The following SLC14A2 variants were observed in gnomAD, a reference collection of about 807,000 sequenced individuals.
SLC14A2 encodes solute carrier family 14 member 2.
A neutral mutation model predicts 104.6 loss-of-function variants in SLC14A2; 91 were observed. That is an observed-to-expected ratio of 0.87 (90% confidence interval 0.73 to 1.04). SLC14A2 has a LOEUF of 1.04. Among genes scored for constraint, SLC14A2 ranks in the 50% least tolerant of loss-of-function variants. The pLI, the probability that SLC14A2 is intolerant of heterozygous loss-of-function variation, is 0.00. For synonymous variants in SLC14A2, 476 were observed against 466.4 expected (o/e 1.02, Z -0.27); for missense variants, 1,189 against 1,156.0 (o/e 1.03, Z -0.41).
At chr18:45,393,930 A>G (rs1476825271) in intron 1 of SLC14A2, among the ~76,000 whole-genome samples, 2 of 152,200 alleles carry the variant, frequency 1.3e-5, no homozygotes, top group African/African-American at 2.4e-5. Flanking sequence ...CTGAGTCGTC[A>G]TCATTAGTAA....
intron 2 of SLC14A2, among the ~76,000 whole-genome samples, chr18:45,560,020 G>C (rs901515535): frequency 1.3e-5 from 2 of 152,132 alleles, no homozygotes; most frequent in Admixed American, 1.3e-4. Context: ...AATGTCCTCT[G>C]CCTACACGTT....
At chr18:45,464,665 C>T (rs539775701) in intron 1 of SLC14A2, among the ~76,000 whole-genome samples, 8 of 152,284 alleles carry the variant, frequency 5.3e-5, no homozygotes, top group Non-Finnish European at 7.4e-5. Context: ...TCTAGAGGGA[C>T]ATTTGCAAAT....
chr18:45,313,389 CAG>C (rs2085098376), intron 1 of SLC14A2, among the ~76,000 whole-genome samples: 3 of 152,312 alleles, frequency 2.0e-5, no homozygotes, highest in East Asian at 1.9e-4. Flanking sequence ...GTCATTTGCT[CAG>C]AGTCATAGAG....
At chr18:45,186,932 A>T in the SLC14A2 span, among the ~76,000 whole-genome samples, 1 of 152,106 alleles carries the variant, frequency 6.6e-6, no homozygotes, top group African/African-American at 2.4e-5. Flanking sequence ...CAGCTGAAAC[A>T]TCACATCACC....
chr18:45,230,173 T>C (rs1024925968), intron 1 of SLC14A2, among the ~76,000 whole-genome samples: 3 of 152,226 alleles, frequency 2.0e-5, no homozygotes, highest in Admixed American at 2.0e-4. Context: ...CTCTCCTTGT[T>C]CCTCCTTTGT....
At chr18:45,437,984 C>G (rs1469518853) in intron 1 of SLC14A2, among the ~76,000 whole-genome samples, 2 of 152,178 alleles carry the variant, frequency 1.3e-5, no homozygotes, top group African/African-American at 2.4e-5. Flanking sequence ...TATTGCCCTT[C>G]TATCTACAGT....
At chr18:45,677,057 C>T (rs2046239091) in intron 18 of SLC14A2, among the ~76,000 whole-genome samples, 1 of 152,156 alleles carries the variant, frequency 6.6e-6, no homozygotes, top group Non-Finnish European at 1.5e-5. Flanking sequence ...CTGCTCGGCA[C>T]ATCACCTGAG....
At chr18:45,371,858 C>A (rs912254430) in intron 1 of SLC14A2, among the ~76,000 whole-genome samples, 1 of 152,054 alleles carries the variant, frequency 6.6e-6, no homozygotes, top group Non-Finnish European at 1.5e-5. Flanking sequence ...AATTCATTGA[C>A]GAGTATGTGT....
chr18:45,194,014 G>A, the SLC14A2 span, among the ~76,000 whole-genome samples: 9 of 151,788 alleles, frequency 5.9e-5, no homozygotes, highest in Non-Finnish European at 1.3e-4. Flanking sequence ...TTATTATTTG[G>A]TAATAGATAG....
chr18:45,604,461 A>C (rs2044837294), intron 2 of SLC14A2, among the ~76,000 whole-genome samples: 1 of 152,228 alleles, frequency 6.6e-6, no homozygotes, highest in Admixed American at 6.5e-5. Flanking sequence ...ACTCCTTTAA[A>C]ACCCATTGAA....
chr18:45,541,226 C>T (rs2043879153), intron 2 of SLC14A2, among the ~76,000 whole-genome samples: 2 of 152,156 alleles, frequency 1.3e-5, no homozygotes, highest in African/African-American at 4.8e-5. Context: ...TGTGTGTGTG[C>T]ACACGTGTGC....
intron 1 of SLC14A2, among the ~76,000 whole-genome samples, chr18:45,263,418 C>T (rs1446130027): frequency 1.3e-5 from 2 of 152,158 alleles, no homozygotes; most frequent in Non-Finnish European, 2.9e-5. Flanking sequence ...CGAGTTGCTC[C>T]ACTGCAAAGT....
At chr18:45,525,809 C>T (rs1181393130) in intron 2 of SLC14A2, among the ~76,000 whole-genome samples, 1 of 152,154 alleles carries the variant, frequency 6.6e-6, no homozygotes, top group Non-Finnish European at 1.5e-5. Flanking sequence ...TCCCCATTTA[C>T]AGTTGTACAA....
intron 2 of SLC14A2, chr18:45,527,761 A>G (rs1329418139): frequency 2.0e-5 from 3 of 152,328 alleles, no homozygotes; most frequent in African/African-American, 7.2e-5. Flanking sequence ...ATGCAATGAT[A>G]TATTTTTAAG....
intron 10 of SLC14A2, chr18:45,646,421 G>C (rs1030553229): frequency 6.6e-6 from 1 of 152,078 alleles, no homozygotes; most frequent in Non-Finnish European, 1.5e-5. Context: ...TGGAGGCAAG[G>C]CTCCCAAAGT....
intron 1 of SLC14A2, among the ~76,000 whole-genome samples, chr18:45,619,526 G>T (rs994769068): frequency 1.3e-5 from 2 of 152,230 alleles, no homozygotes; most frequent in Admixed American, 6.5e-5. Flanking sequence ...CTGGTTTTTG[G>T]AGAGACGTGG....
At chr18:45,511,446 C>T (rs1238196977) in intron 2 of SLC14A2, among the ~76,000 whole-genome samples, 2 of 152,176 alleles carry the variant, frequency 1.3e-5, no homozygotes, top group Non-Finnish European at 1.5e-5. Context: ...TCGACTCTTA[C>T]TCCTCCCTTA....
At chr18:45,253,877 G>C (rs1429522380) in intron 1 of SLC14A2, among the ~76,000 whole-genome samples, 1 of 152,220 alleles carries the variant, frequency 6.6e-6, no homozygotes, top group Non-Finnish European at 1.5e-5. Context: ...TCATGTGCCT[G>C]AGTGGGTGAG....
chr18:45,314,451 CTG>C (rs1037753974), intron 1 of SLC14A2, among the ~76,000 whole-genome samples: 4 of 152,186 alleles, frequency 2.6e-5, no homozygotes, highest in Admixed American at 1.3e-4. Flanking sequence ...AAACAGCACT[CTG>C]AGGTTTGTAA....
Sources: allele counts gnomAD v4.1 joint callset (sites outside exome capture counted in the v4.1 genomes callset), GRCh38; gene constraint gnomAD v4.1.1; transcripts MANE v1.5; gene names NCBI Gene and HGNC (gene_info 2026-07-23, HGNC 2026-07-21).